The following NTNG1 variants were observed in gnomAD, a reference collection of about 807,000 sequenced individuals.
The protein encoded by NTNG1 is netrin-G1.
Under a neutral mutation model 54.0 loss-of-function variants are expected in NTNG1, and 16 were observed. The observed-to-expected ratio is 0.30, with a 90% CI of 0.20 to 0.45. The LOEUF (loss-of-function observed/expected upper bound fraction) is 0.45, where lower values mean the gene tolerates loss of function less well. Ranked by LOEUF, NTNG1 falls within the 20% of genes least tolerant of loss-of-function variation. The probability of loss-of-function intolerance (pLI) is 1.00; values close to 1 mark genes in which losing one functional copy is unlikely to be tolerated. For synonymous variants in NTNG1, 255 were observed against 263.1 expected (o/e 0.97, Z 0.30); for missense variants, 530 against 678.7 (o/e 0.78, Z 2.43).
intron 2 of NTNG1, among the ~76,000 whole-genome samples, chr1:107,165,831 G>A (rs565064971): frequency 6.6e-6 from 1 of 152,250 alleles, no homozygotes; most frequent in East Asian, 1.9e-4. Context: ...TGAAGAATCT[G>A]GCAGAAGGTG....
At chr1:107,477,927 T>C (rs1271667835) in intron 7 of NTNG1, among the ~76,000 whole-genome samples, 1 of 152,224 alleles carries the variant, frequency 6.6e-6, no homozygotes, top group Non-Finnish European at 1.5e-5. Flanking sequence ...TTCTTATAGA[T>C]ATTTTATCAT....
At chr1:107,170,904 T>C (rs1254072511) in intron 2 of NTNG1, among the ~76,000 whole-genome samples, 1 of 152,152 alleles carries the variant, frequency 6.6e-6, no homozygotes, top group African/African-American at 2.4e-5. Context: ...TAGATTCTAG[T>C]AAAGAATGCA....
chr1:107,446,431 AC>A (rs1676310425), intron 7 of NTNG1, among the ~76,000 whole-genome samples: 2 of 152,176 alleles, frequency 1.3e-5, no homozygotes, highest in East Asian at 3.9e-4. Context: ...TGCAGGAACA[AC>A]CCGTCATCTT....
intron 2 of NTNG1, among the ~76,000 whole-genome samples, chr1:107,253,955 C>A (rs945116430): frequency 6.6e-6 from 1 of 152,186 alleles, no homozygotes; most frequent in Admixed American, 6.5e-5. Context: ...AATTACTATT[C>A]GGGACAGTGC....
At chr1:107,307,549 C>T (rs1666763602) in intron 2 of NTNG1, among the ~76,000 whole-genome samples, 1 of 152,142 alleles carries the variant, frequency 6.6e-6, no homozygotes, top group Non-Finnish European at 1.5e-5. Flanking sequence ...AACTGAGACA[C>T]AAAGAATTCA....
intron 2 of NTNG1, among the ~76,000 whole-genome samples, chr1:107,212,768 A>G (rs1659679434): frequency 6.6e-6 from 1 of 152,102 alleles, no homozygotes; most frequent in South Asian, 2.1e-4. Context: ...TTTCCTATAG[A>G]TACCAGGAAG....
At chr1:107,469,074 G>A (rs1677797170) in intron 7 of NTNG1, among the ~76,000 whole-genome samples, 1 of 142,086 alleles carries the variant, frequency 7.0e-6, no homozygotes, top group Non-Finnish European at 1.5e-5. Context: ...TCCAGCCTGG[G>A]TGACAGGATC....
intron 2 of NTNG1, among the ~76,000 whole-genome samples, chr1:107,308,353 T>C (rs1489017654): frequency 6.6e-6 from 1 of 152,208 alleles, no homozygotes; most frequent in Non-Finnish European, 1.5e-5. Context: ...GGGGTCCAGT[T>C]TCAATCTTCT....
At chr1:107,463,773 C>T (rs1430285482) in intron 7 of NTNG1, among the ~76,000 whole-genome samples, 6 of 152,030 alleles carry the variant, frequency 3.9e-5, no homozygotes, top group Non-Finnish European at 7.4e-5. Flanking sequence ...CCTTAGGAGT[C>T]ATTTCCATAT....
At chr1:107,190,583 C>T (rs939243179) in intron 2 of NTNG1, among the ~76,000 whole-genome samples, 9 of 152,086 alleles carry the variant, frequency 5.9e-5, no homozygotes, top group Non-Finnish European at 2.9e-5. Flanking sequence ...CCACTCCCCC[C>T]ACCCCATAAC....
intron 2 of NTNG1, among the ~76,000 whole-genome samples, chr1:107,238,460 G>A (rs745528559): frequency 6.6e-6 from 1 of 152,122 alleles, no homozygotes; most frequent in Non-Finnish European, 1.5e-5. Flanking sequence ...AGGCATGATT[G>A]GTTTTGAAAT....
In NTNG1 at chr1:107,193,827, C is replaced by T. The variant is rs577969914; in HGVS notation, c.246+44988C>T. ...TCCTTTCTCCTTCCTTCCCTCAATT[C>T]CTTCCTTCTTTTTTTCTTCCTTCCT... On this transcript the variant is annotated intron_variant, in intron 2 of 7. Coordinates refer to ENST00000370068, the MANE Select transcript of NTNG1 (RefSeq NM_001113226.3). Among the ~76,000 whole-genome samples the T allele has an allele frequency of 1.5e-4, 23 of 151,974 alleles. No individual in the cohort carries two copies. The East Asian group carries it at 3.5e-3, about 23-fold the overall frequency.
chr1:107,316,156 A>T (rs1290721820), intron 2 of NTNG1, among the ~76,000 whole-genome samples: 4 of 152,180 alleles, frequency 2.6e-5, no homozygotes, highest in Non-Finnish European at 5.9e-5. Context: ...CATTGCCCTT[A>T]TGCCCTAGGT....
chr1:107,302,686 A>G (rs915204077), intron 2 of NTNG1, among the ~76,000 whole-genome samples: 2 of 152,068 alleles, frequency 1.3e-5, no homozygotes, highest in Non-Finnish European at 2.9e-5. Flanking sequence ...GTGAATCCTC[A>G]TAATTATCTT....
At position 107,266,156 on chromosome 1, in the gene NTNG1, A is replaced by C. The variant is rs192862535; in HGVS notation, c.247-58126A>C. Among the ~76,000 whole-genome samples the C allele has an allele frequency of 3.3e-5, 5 of 152,334 alleles. No homozygotes were observed. In the East Asian group the frequency reaches 9.6e-4, roughly 29 times the overall value. Reference sequence around the variant, plus strand: ...CTCCTATCAATGTCTAATATGTGGTAATATGAAATTGGGACCACTAAGAAG... The same window carrying C: ...CTCCTATCAATGTCTAATATGTGGTCATATGAAATTGGGACCACTAAGAAG... On this transcript the variant is annotated intron_variant, in intron 2 of 7. Transcript: ENST00000370068.
chr1:107,318,995 G>T (rs1397085096), intron 2 of NTNG1, among the ~76,000 whole-genome samples: 1 of 152,126 alleles, frequency 6.6e-6, no homozygotes, highest in Non-Finnish European at 1.5e-5. Flanking sequence ...TAGTATGTTT[G>T]TGGTGCTGAT....
intron 3 of NTNG1, among the ~76,000 whole-genome samples, chr1:107,379,191 G>A (rs147175773): frequency 3.9e-5 from 6 of 152,252 alleles, no homozygotes; most frequent in East Asian, 1.9e-4. Flanking sequence ...CTCTTCAGGC[G>A]GGTCCTCAAA....
At chr1:107,351,983 A>T (rs1443108943) in intron 3 of NTNG1, among the ~76,000 whole-genome samples, 1 of 152,246 alleles carries the variant, frequency 6.6e-6, no homozygotes. Context: ...AAGCTTCAAA[A>T]TAATCTCCTT....
chr1:107,456,377 G>A (rs1392397774), intron 7 of NTNG1, among the ~76,000 whole-genome samples: 2 of 152,156 alleles, frequency 1.3e-5, no homozygotes, highest in Admixed American at 6.5e-5. Flanking sequence ...TTAATCTTTT[G>A]AAGAGAGAGT....
Sources: gnomAD v4.1 joint callset for allele counts (sites outside exome capture counted in the v4.1 genomes callset) on GRCh38, gnomAD v4.1.1 for gene constraint, MANE v1.5 for transcripts, NCBI Gene and HGNC (gene_info 2026-07-23, HGNC 2026-07-21) for gene names.